Variants in MARCHF11 observed in about 807,000 individuals in gnomAD.
The protein encoded by MARCHF11 is membrane associated ring-CH-type finger 11, also known as E3 ubiquitin-protein ligase MARCHF11.
A neutral mutation model predicts 37.3 loss-of-function variants in MARCHF11; 29 were observed. The ratio of observed to expected loss-of-function variants is 0.78; its 90% confidence interval spans 0.58 to 1.06. The LOEUF (loss-of-function observed/expected upper bound fraction) is 1.06. MARCHF11 is among the 50% of genes least tolerant of loss of function. The pLI is 0.00. For missense variants in MARCHF11, 482 were observed against 533.4 expected (o/e 0.90, Z 0.95); for synonymous variants, 233 against 228.0 (o/e 1.02, Z -0.20).
intron 2 of MARCHF11, among the ~76,000 whole-genome samples, chr5:16,139,962 A>G (rs1327696124): frequency 1.3e-5 from 2 of 152,200 alleles, no homozygotes; most frequent in Non-Finnish European, 2.9e-5. Flanking sequence ...TAGAAATTAA[A>G]TAGACAATAC....
At chr5:16,142,294 T>A (rs1018478053) in intron 2 of MARCHF11, among the ~76,000 whole-genome samples, 4 of 152,186 alleles carry the variant, frequency 2.6e-5, no homozygotes, top group African/African-American at 9.7e-5. Context: ...TGATACGGTT[T>A]TCTCTTCCAC....
intron 2 of MARCHF11, among the ~76,000 whole-genome samples, chr5:16,157,650 C>G (rs1737999262): frequency 6.6e-6 from 1 of 151,772 alleles, no homozygotes; most frequent in Non-Finnish European, 1.5e-5. Context: ...AAAATGATGT[C>G]AGACTCTTAG....
intron 2 of MARCHF11, among the ~76,000 whole-genome samples, chr5:16,094,641 G>A (rs770575079): frequency 9.9e-5 from 15 of 152,018 alleles, no homozygotes; most frequent in Non-Finnish European, 1.9e-4. Context: ...CTTTCTTTCC[G>A]TAATAGTTGA....
chr5:16,154,192 G>A (rs568367089), intron 2 of MARCHF11, among the ~76,000 whole-genome samples: 1 of 152,040 alleles, frequency 6.6e-6, no homozygotes, highest in South Asian at 2.1e-4. Context: ...AGTGATGCCA[G>A]GGGTTTTCTG....
At chr5:16,157,501 A>G (rs1737996435) in intron 2 of MARCHF11, among the ~76,000 whole-genome samples, 2 of 151,968 alleles carry the variant, frequency 1.3e-5, no homozygotes, top group Admixed American at 1.3e-4. Flanking sequence ...AGACATGTGG[A>G]TGAATGGGAC....
At chr5:16,119,554 T>C (rs1476320356) in intron 2 of MARCHF11, among the ~76,000 whole-genome samples, 1 of 152,006 alleles carries the variant, frequency 6.6e-6, no homozygotes, top group Non-Finnish European at 1.5e-5. Flanking sequence ...ACCACAGCCC[T>C]GACATGCTCC....
chr5:16,116,972 T>C (rs1432562650), intron 2 of MARCHF11, among the ~76,000 whole-genome samples: 1 of 152,054 alleles, frequency 6.6e-6, no homozygotes, highest in Non-Finnish European at 1.5e-5. Context: ...ACAGAGATAA[T>C]GGGAGGGAAT....
intron 3 of MARCHF11, among the ~76,000 whole-genome samples, 169 bp downstream of exon 3, chr5:16,090,720 A>G (rs182199004): frequency 1.2e-4 from 18 of 151,992 alleles, no homozygotes; most frequent in Non-Finnish European, 1.8e-4. Context: ...TATAGATGCT[A>G]TGCTTTCTTA....
chr5:16,112,649 A>G (rs1196268672), intron 2 of MARCHF11, among the ~76,000 whole-genome samples: 1 of 152,168 alleles, frequency 6.6e-6, no homozygotes, highest in African/African-American at 2.4e-5. Context: ...AAATCAGTTA[A>G]GACTTTGGGG....
intron 2 of MARCHF11, among the ~76,000 whole-genome samples, chr5:16,104,184 C>T (rs967304043): frequency 6.6e-6 from 1 of 152,050 alleles, no homozygotes; most frequent in Non-Finnish European, 1.5e-5. Flanking sequence ...TTGATTAAAC[C>T]ATCTTTAAGG....
intron 3 of MARCHF11, among the ~76,000 whole-genome samples, chr5:16,088,283 A>C (rs897630781): frequency 1.3e-5 from 2 of 152,168 alleles, no homozygotes; most frequent in Non-Finnish European, 2.9e-5. Context: ...ACTGTATTCT[A>C]ATCACTTACT....
At chr5:16,148,903 A>G (rs1490405633) in intron 2 of MARCHF11, among the ~76,000 whole-genome samples, 1 of 152,164 alleles carries the variant, frequency 6.6e-6, no homozygotes, top group East Asian at 1.9e-4. Context: ...TAGTTCTCAG[A>G]TAAATTTCTC....
At chr5:16,069,201 C>A (rs1390333881) in intron 3 of MARCHF11, among the ~76,000 whole-genome samples, 2 of 152,094 alleles carry the variant, frequency 1.3e-5, no homozygotes, top group Non-Finnish European at 1.5e-5. Context: ...ACCATAATGA[C>A]AATCCCAAAG....
intron 2 of MARCHF11, among the ~76,000 whole-genome samples, chr5:16,176,473 G>C (rs1738366666): frequency 6.6e-6 from 1 of 152,090 alleles, no homozygotes; most frequent in Non-Finnish European, 1.5e-5. Flanking sequence ...AAAGGTGTCA[G>C]GTTTGTGCCT....
At chr5:16,156,916 T>C (rs1053557771) in intron 2 of MARCHF11, among the ~76,000 whole-genome samples, 3 of 151,872 alleles carry the variant, frequency 2.0e-5, no homozygotes, top group African/African-American at 7.2e-5. Flanking sequence ...ATTATGCTCT[T>C]ATGGAACCAC....
intron 2 of MARCHF11, among the ~76,000 whole-genome samples, chr5:16,115,989 G>T (rs561575593): frequency 2.6e-5 from 4 of 152,014 alleles, no homozygotes; most frequent in Admixed American, 6.6e-5. Flanking sequence ...GTGACTTTTG[G>T]GTTGGTATGC....
intron 2 of MARCHF11, among the ~76,000 whole-genome samples, chr5:16,108,379 G>C (rs1737080798): frequency 6.6e-6 from 1 of 152,224 alleles, no homozygotes. Context: ...TGCGAGGGGG[G>C]CCAGGGAACT....
chr5:16,167,879 A>G (rs1579424466), intron 2 of MARCHF11, among the ~76,000 whole-genome samples: 1 of 152,216 alleles, frequency 6.6e-6, no homozygotes, highest in South Asian at 2.1e-4. Flanking sequence ...ATAAATGAAA[A>G]AAGAATGAGA....
At chr5:16,096,779 A>C (rs1054706500) in intron 2 of MARCHF11, among the ~76,000 whole-genome samples, 1 of 152,228 alleles carries the variant, frequency 6.6e-6, no homozygotes, top group African/African-American at 2.4e-5. Flanking sequence ...TGAGAAAGAC[A>C]TACACTCCAT....
Sources: allele counts gnomAD v4.1 joint callset (sites outside exome capture counted in the v4.1 genomes callset), GRCh38; gene constraint gnomAD v4.1.1; transcripts MANE v1.5; gene names NCBI Gene and HGNC (gene_info 2026-07-23, HGNC 2026-07-21).